Variants in GRIN2B observed in about 807,000 individuals in gnomAD.
GRIN2B encodes the protein glutamate ionotropic receptor NMDA type subunit 2B, also known as glutamate receptor ionotropic, NMDA 2B.
Under a neutral mutation model 114.5 loss-of-function variants are expected in GRIN2B, and 5 were observed. The observed-to-expected ratio is 0.04, with a 90% CI of 0.02 to 0.09. The LOEUF (loss-of-function observed/expected upper bound fraction) is 0.09. GRIN2B is among the 10% of genes least tolerant of loss of function. The pLI, the probability that GRIN2B is intolerant of heterozygous loss-of-function variation, is 1.00. For missense variants in GRIN2B, 1,108 were observed against 1,943.5 expected, an observed-to-expected ratio of 0.57 and a Z score of 8.08; for synonymous variants, 787 against 745.1, an observed-to-expected ratio of 1.06 and a Z score of -0.92.
At chr12:13,904,438 C>T (rs1468410134) in intron 2 of GRIN2B, among the ~76,000 whole-genome samples, 2 of 152,048 alleles carry the variant, frequency 1.3e-5, no homozygotes. Context: ...CATTAACCTT[C>T]CTGCCTAATT....
chr12:13,721,193 C>A (rs936408308), intron 4 of GRIN2B, among the ~76,000 whole-genome samples: 1 of 151,936 alleles, frequency 6.6e-6, no homozygotes, highest in African/African-American at 2.4e-5. Context: ...CAGGAAGAAG[C>A]TTGGCACATT....
intron 4 of GRIN2B, among the ~76,000 whole-genome samples, chr12:13,676,124 G>A (rs1289577406): frequency 6.6e-6 from 1 of 152,198 alleles, no homozygotes; most frequent in East Asian, 1.9e-4. Flanking sequence ...TCACTTACAA[G>A]TGGGAGCTGA....
chr12:13,955,196 C>G (rs1867567968), intron 2 of GRIN2B, among the ~76,000 whole-genome samples: 1 of 152,050 alleles, frequency 6.6e-6, no homozygotes, highest in Non-Finnish European at 1.5e-5. Context: ...GTCAAATATT[C>G]TATTTGATTG....
intron 3 of GRIN2B, among the ~76,000 whole-genome samples, chr12:13,803,656 T>C (rs1405748476): frequency 6.6e-6 from 1 of 152,182 alleles, no homozygotes; most frequent in Non-Finnish European, 1.5e-5. Flanking sequence ...TAATAAAATT[T>C]AGGGGACTGT....
intron 3 of GRIN2B, among the ~76,000 whole-genome samples, chr12:13,775,624 A>G (rs773509586): frequency 2.6e-5 from 4 of 152,282 alleles, no homozygotes; most frequent in African/African-American, 4.8e-5. Flanking sequence ...TTCAAAAGTC[A>G]TTAATACATT....
At chr12:13,815,339 C>A (rs547871452) in intron 3 of GRIN2B, among the ~76,000 whole-genome samples, 1 of 151,614 alleles carries the variant, frequency 6.6e-6, no homozygotes, top group Admixed American at 6.6e-5. Context: ...ATGTTTCAGT[C>A]CTGAATTCAG....
chr12:13,759,044 T>A (rs1381955617), intron 3 of GRIN2B, among the ~76,000 whole-genome samples: 2 of 141,174 alleles, frequency 1.4e-5, no homozygotes, highest in East Asian at 2.3e-4. Flanking sequence ...AGTCTCACTC[T>A]GTTGCCAGGC....
chr12:13,667,346 A>G (rs140416533), intron 5 of GRIN2B, among the ~76,000 whole-genome samples: 305 of 152,274 alleles, frequency 2.0e-3, no homozygotes, highest in Middle Eastern at 3.4e-3. Flanking sequence ...CTTCCACCAG[A>G]CTGCATATGT....
chr12:13,936,616 G>T (rs1046071221), intron 2 of GRIN2B, among the ~76,000 whole-genome samples: 5 of 152,118 alleles, frequency 3.3e-5, no homozygotes, highest in African/African-American at 9.7e-5. Context: ...ACAGAATCTA[G>T]TGTCTCTAAA....
At chr12:13,815,675 AATAAGCTGTT>A (rs1181029425) in intron 3 of GRIN2B, among the ~76,000 whole-genome samples, 1 of 152,220 alleles carries the variant, frequency 6.6e-6, no homozygotes, top group Non-Finnish European at 1.5e-5. Context: ...AGTCTAACAA[AATAAGCTGTT>A]GCTGCAGACA....
intron 3 of GRIN2B, among the ~76,000 whole-genome samples, chr12:13,794,768 C>T (rs1864387967): frequency 6.6e-6 from 1 of 152,246 alleles, no homozygotes. Context: ...TCAGAATGCA[C>T]AATGCCCCTT....
intron 5 of GRIN2B, among the ~76,000 whole-genome samples, chr12:13,655,605 T>C (rs764116436): frequency 3.3e-4 from 50 of 152,330 alleles, no homozygotes; most frequent in Non-Finnish European, 7.1e-4. Context: ...GTCCAACGCC[T>C]GGCTCTTCCA....
At chr12:13,907,420 G>A (rs142414083) in intron 2 of GRIN2B, among the ~76,000 whole-genome samples, 2,100 of 151,766 alleles carry the variant, frequency 0.014, 23 homozygotes, top group Middle Eastern at 0.027. Context: ...AGACCGTGAG[G>A]CAGAGAGCCT....
chr12:13,850,019 G>A (rs1003782631), intron 3 of GRIN2B, among the ~76,000 whole-genome samples: 1 of 152,172 alleles, frequency 6.6e-6, no homozygotes, highest in African/African-American at 2.4e-5. Flanking sequence ...AGGGACAATA[G>A]ATGCTGAAGG....
chr12:13,788,051 TG>T (rs1330488019), intron 3 of GRIN2B, among the ~76,000 whole-genome samples: 2 of 152,172 alleles, frequency 1.3e-5, no homozygotes, highest in Non-Finnish European at 2.9e-5. Context: ...ACTGATATCC[TG>T]TCATCTCAGA....
intron 4 of GRIN2B, among the ~76,000 whole-genome samples, chr12:13,708,006 G>C (rs1168372733): frequency 3.3e-5 from 3 of 92,138 alleles, no homozygotes; most frequent in African/African-American, 4.4e-5. Flanking sequence ...GATACATGTA[G>C]AGTTTGTTCA....
chr12:13,630,140 TG>T (rs574077598), intron 5 of GRIN2B, among the ~76,000 whole-genome samples: 213 of 152,314 alleles, frequency 1.4e-3, no homozygotes, highest in African/African-American at 4.9e-3. Context: ...ACTAAATAAA[TG>T]TTAGCTAAAC....
At chr12:13,774,517 A>G (rs979067378) in intron 3 of GRIN2B, among the ~76,000 whole-genome samples, 33 of 152,206 alleles carry the variant, frequency 2.2e-4, no homozygotes, top group African/African-American at 7.7e-4. Flanking sequence ...ACAGGCCTCA[A>G]TTGAGGACAG....
chr12:13,693,663 C>A lies in GRIN2B; in HGVS notation c.1011-17804G>T, dbSNP rs766359089. 5.3e-4 allele frequency among the ~76,000 whole-genome samples: 80 copies of A among 152,114 alleles called. 3 individuals are homozygous for A. Among genetic ancestry groups the A allele is most frequent in the Non-Finnish European group, 8.8e-5 (6 of 68,010 alleles). Reference sequence around the variant, plus strand: ...AGACAGGGATTCAATATCCCTGCTTCATAGTATGCATTTTAAATCTCCCTG... The same window carrying A: ...AGACAGGGATTCAATATCCCTGCTTAATAGTATGCATTTTAAATCTCCCTG... On this transcript the variant is annotated intron_variant, in intron 4 of 13. Coordinates refer to ENST00000609686, the MANE Select transcript of GRIN2B (RefSeq NM_000834.5).
Sources: allele counts gnomAD v4.1 joint callset (sites outside exome capture counted in the v4.1 genomes callset), GRCh38; gene constraint gnomAD v4.1.1; transcripts MANE v1.5; gene names NCBI Gene and HGNC (gene_info 2026-07-23, HGNC 2026-07-21).